Variants in VAV2 observed in about 807,000 individuals in gnomAD.
The protein encoded by VAV2 is vav guanine nucleotide exchange factor 2.
VAV2 carries 67 observed loss-of-function variants against 132.5 expected under a neutral mutation model. The observed-to-expected ratio is 0.51, with a 90% CI of 0.42 to 0.62. VAV2 has a LOEUF of 0.62. VAV2 is among the 20% of genes least tolerant of loss of function. The pLI is 0.00. For missense variants in VAV2, 938 were observed against 1,153.6 expected (o/e 0.81, Z 2.71); for synonymous variants, 492 against 443.5 (o/e 1.11, Z -1.37).
intron 1 of VAV2, among the ~76,000 whole-genome samples, chr9:133,942,735 G>A (rs1249403470): frequency 6.6e-6 from 1 of 152,220 alleles, no homozygotes; most frequent in East Asian, 1.9e-4. Context: ...CATGGGCCCA[G>A]CAACTGCTGT....
chr9:133,852,619 C>A (rs560181762), intron 3 of VAV2, among the ~76,000 whole-genome samples: 3 of 152,296 alleles, frequency 2.0e-5, no homozygotes, highest in African/African-American at 7.2e-5. Flanking sequence ...TGCCCCACTG[C>A]AGAAGCTCAG....
At chr9:133,811,183 C>T (rs1358956733) in intron 5 of VAV2, among the ~76,000 whole-genome samples, 11 of 152,220 alleles carry the variant, frequency 7.2e-5, no homozygotes. Context: ...AGTCGAGACC[C>T]TTCGAGGACA....
At chr9:133,853,779 C>G (rs1157765433) in intron 3 of VAV2, among the ~76,000 whole-genome samples, 1 of 152,080 alleles carries the variant, frequency 6.6e-6, no homozygotes, top group African/African-American at 2.4e-5. Context: ...CCAGACAGGA[C>G]AGCCGAGCAC....
At chr9:133,947,068 T>C (rs2132164148) in intron 1 of VAV2, among the ~76,000 whole-genome samples, 1 of 152,220 alleles carries the variant, frequency 6.6e-6, no homozygotes, top group Middle Eastern at 3.4e-3. Context: ...TGCTGACACC[T>C]CTCAAAGGGC....
chr9:133,812,192 G>A lies in VAV2; in HGVS notation c.474C>T (p.Ile158=), dbSNP rs1835383492. 6.2e-7 allele frequency: 1 copy of A among 1,613,836 alleles called. No homozygotes were observed. Among genetic ancestry groups the A allele is most frequent in the Admixed American group, 1.7e-5 (1 of 60,006 alleles). The change falls in exon 5 of 30, where the codon ATC becomes ATT. Residue 158 remains isoleucine, a synonymous_variant. Coordinates refer to ENST00000371850, the MANE Select transcript of VAV2 (RefSeq NM_001134398.2). ...CATCCTCACACGGGACGCAGTCGTA[G>A]ATGTCCTCCCCCAGGTCATGCTCGC... ...LADEHDLGED[I]YDCVPCEDGG...
At chr9:133,917,811 G>A (rs937113346) in intron 2 of VAV2, among the ~76,000 whole-genome samples, 1 of 152,194 alleles carries the variant, frequency 6.6e-6, no homozygotes, top group Non-Finnish European at 1.5e-5. Flanking sequence ...AGAACCCTGT[G>A]GACAGAAAAG....
At chr9:133,810,285 C>T in intron 5 of VAV2, 80 bp from the exon 6 acceptor site, 1 of 1,596,654 alleles carries the variant, frequency 6.3e-7, no homozygotes, top group Non-Finnish European at 8.5e-7. Context: ...CCTGGGACAT[C>T]AGGAACGCCA....
intron 2 of VAV2, among the ~76,000 whole-genome samples, chr9:133,913,958 A>G (rs936385431): frequency 1.3e-5 from 2 of 152,158 alleles, no homozygotes; most frequent in African/African-American, 4.8e-5. Context: ...ACCTCCCTGG[A>G]GCTCTTCGAA....
chr9:133,785,705 A>G, intron 17 of VAV2, 71 bp downstream of exon 17: 3 of 1,463,158 alleles, frequency 2.1e-6, no homozygotes, highest in East Asian at 2.3e-5. Flanking sequence ...CACAGACACA[A>G]TCCACCTGGG....
chr9:133,809,572 G>A (rs1835283883), intron 6 of VAV2, among the ~76,000 whole-genome samples: 1 of 152,216 alleles, frequency 6.6e-6, no homozygotes. Context: ...TCGGCTCCAT[G>A]CAGACCACAT....
chr9:133,953,506 C>A (rs1841637174), intron 1 of VAV2, among the ~76,000 whole-genome samples: 2 of 152,230 alleles, frequency 1.3e-5, no homozygotes, highest in South Asian at 2.1e-4. Context: ...GGGCCTGGCA[C>A]ACTGGGGCCC....
At chr9:133,937,340 G>A (rs115432904) in intron 2 of VAV2, among the ~76,000 whole-genome samples, 1,980 of 151,412 alleles carry the variant, frequency 0.013, 53 homozygotes, top group African/African-American at 0.045. Context: ...GAACATGGAA[G>A]ACGGGTTCAA....
chr9:133,942,437 G>A (rs1225874121), intron 1 of VAV2, among the ~76,000 whole-genome samples: 11 of 152,384 alleles, frequency 7.2e-5, no homozygotes, highest in Admixed American at 5.2e-4. Flanking sequence ...CACCACGGTC[G>A]ATGGTGCTTG....
intron 2 of VAV2, among the ~76,000 whole-genome samples, chr9:133,936,637 T>TG (rs1588141346): frequency 1.3e-5 from 2 of 152,086 alleles, no homozygotes; most frequent in Non-Finnish European, 2.9e-5. Flanking sequence ...AAGCGACCGG[T>TG]GGGGGGCGGC....
At chr9:133,939,254 A>T (rs763242071) in intron 1 of VAV2, 35 bp from the exon 2 acceptor site, 3 of 1,572,116 alleles carry the variant, frequency 1.9e-6, no homozygotes, top group Non-Finnish European at 2.6e-6. Flanking sequence ...GCAAGGAAAA[A>T]CTTATTAAAA....
chr9:133,816,461 C>G (rs1172214448), intron 4 of VAV2, among the ~76,000 whole-genome samples: 3 of 152,232 alleles, frequency 2.0e-5, no homozygotes, highest in Non-Finnish European at 4.4e-5. Flanking sequence ...TTTAGCCACT[C>G]TGTTTAGGTC....
At chr9:133,896,446 T>C (rs1839208515) in intron 2 of VAV2, among the ~76,000 whole-genome samples, 1 of 151,952 alleles carries the variant, frequency 6.6e-6, no homozygotes, top group African/African-American at 2.4e-5. Flanking sequence ...AGAGTGAGAC[T>C]CAGTCTCAAA....
intron 3 of VAV2, among the ~76,000 whole-genome samples, chr9:133,858,019 T>G (rs1445111322): frequency 6.6e-6 from 1 of 152,208 alleles, no homozygotes; most frequent in Non-Finnish European, 1.5e-5. Context: ...GCCTATCCTG[T>G]GTGCAGAAAG....
intron 1 of VAV2, among the ~76,000 whole-genome samples, chr9:133,973,702 G>A (rs912387924): frequency 2.0e-5 from 3 of 152,210 alleles, no homozygotes; most frequent in African/African-American, 4.8e-5. Flanking sequence ...CCCCGCACAA[G>A]GGTGACGCCC....
Sources: allele counts gnomAD v4.1 joint callset (sites outside exome capture counted in the v4.1 genomes callset), GRCh38; gene constraint gnomAD v4.1.1; transcripts MANE v1.5; gene names NCBI Gene and HGNC (gene_info 2026-07-23, HGNC 2026-07-21).